Variants in GIT2 observed in about 807,000 individuals in gnomAD.
GIT2 encodes GIT ArfGAP 2, also known as ARF GTPase-activating protein GIT2.
Under a neutral mutation model 100.3 loss-of-function variants are expected in GIT2, and 32 were observed. That is an observed-to-expected ratio of 0.32 (90% CI 0.24 to 0.43). GIT2 has a LOEUF of 0.43. Among genes scored for constraint, GIT2 ranks in the 20% least tolerant of loss-of-function variants. The pLI is 1.00. For missense variants in GIT2, 737 were observed against 975.1 expected (o/e 0.76, Z 3.25); for synonymous variants, 353 against 364.1 (o/e 0.97, Z 0.35).
Position 109,947,026 on chromosome 12 carries a change from G to A in GIT2, c.1641+230C>T, listed in dbSNP as rs1456274464. Among the ~76,000 whole-genome samples the A allele has an allele frequency of 1.3e-5, 2 of 152,182 alleles. No homozygotes were observed. The highest frequency in any genetic ancestry group is 4.8e-5 in the African/African-American group (2 of 41,444). On this transcript the variant is annotated intron_variant, in intron 15 of 19. Coordinates refer to ENST00000355312, the MANE Select transcript of GIT2 (RefSeq NM_057169.5). The surrounding 1 kb of genome is among the most constrained non-coding windows in gnomAD (Gnocchi z 4.3). Reference sequence around the variant, plus strand: ...GTGGGGGAGAAAAAAGCAGCAGTTCGGGCAAGAGCCAGAATCCCCAACTTG... The same window carrying A: ...GTGGGGGAGAAAAAAGCAGCAGTTCAGGCAAGAGCCAGAATCCCCAACTTG...
chr12:109,975,498 G>A (rs1362895720), intron 7 of GIT2, among the ~76,000 whole-genome samples: 1 of 152,098 alleles, frequency 6.6e-6, no homozygotes, highest in Non-Finnish European at 1.5e-5. Context: ...ACAGGTGTGA[G>A]CCATAGCTCC....
intron 12 of GIT2, among the ~76,000 whole-genome samples, chr12:109,957,029 A>AT (rs1351782446): frequency 6.6e-6 from 1 of 151,380 alleles, no homozygotes; most frequent in Non-Finnish European, 1.5e-5. Context: ...AAAAAAAAAA[A>AT]CAAAACAAAA....
At chr12:109,982,214 C>T (rs1253632537) in intron 6 of GIT2, 1 of 152,348 alleles carries the variant, frequency 6.6e-6, no homozygotes, top group Non-Finnish European at 1.5e-5. Flanking sequence ...CCTGCCTTTC[C>T]TCTTACCTGG....
chr12:109,940,814 G>T (rs971285929), intron 16 of GIT2, among the ~76,000 whole-genome samples: 6 of 151,912 alleles, frequency 3.9e-5, no homozygotes, highest in Non-Finnish European at 2.9e-5. Flanking sequence ...AGGAGGCGGA[G>T]GTTGCAGTGA....
chr12:109,965,625 G>C (rs759551948), intron 8 of GIT2, 48 bp from the exon 9 acceptor site: 6 of 1,175,896 alleles, frequency 5.1e-6, no homozygotes, highest in African/African-American at 1.5e-5. Flanking sequence ...AGCCAGACTT[G>C]TGAACTCTGT....
intron 18 of GIT2, among the ~76,000 whole-genome samples, chr12:109,936,918 C>T (rs1350472712): frequency 2.0e-5 from 3 of 151,414 alleles, no homozygotes; most frequent in Non-Finnish European, 4.4e-5. Flanking sequence ...GGACACTTTG[C>T]TTTCTGTAAT....
At chr12:109,973,067 A>G (rs1489849127) in intron 7 of GIT2, among the ~76,000 whole-genome samples, 1 of 151,882 alleles carries the variant, frequency 6.6e-6, no homozygotes, top group Non-Finnish European at 1.5e-5. Context: ...GCCTCAAACA[A>G]TCCTCCTACT....
chr12:109,961,470 T>C lies in GIT2; in HGVS notation c.890-95A>G, dbSNP rs565944203. The C allele has an allele frequency of 7.2e-5, 69 of 959,698 alleles. No homozygotes were observed. In the South Asian group the frequency reaches 8.8e-4, roughly 12 times the overall value. 59.4% of individuals were successfully genotyped at this position (959,698 alleles called of 1,614,324 possible). ...TCACGCACTACGAGGGGAAACACAC[T>C]CTGAAGCCAACACACGCAAAGGCAA... On this transcript the variant is annotated intron_variant, in intron 10 of 19. Transcript: ENST00000355312.
chr12:109,941,011 G>A (rs760275409), intron 16 of GIT2, among the ~76,000 whole-genome samples: 11 of 151,176 alleles, frequency 7.3e-5, no homozygotes, highest in Non-Finnish European at 1.0e-4. Context: ...CCGGACCCAC[G>A]TGGAGAAGCC....
intron 3 of GIT2, among the ~76,000 whole-genome samples, 163 bp downstream of exon 3, chr12:109,989,527 C>A (rs1888004145): frequency 6.6e-6 from 1 of 152,140 alleles, no homozygotes; most frequent in South Asian, 2.1e-4. Flanking sequence ...GATGGTCCTG[C>A]CCCACCCCAT....
chr12:109,939,136 C>A, intron 17 of GIT2, 29 bp downstream of exon 17: 1 of 1,455,628 alleles, frequency 6.9e-7, no homozygotes, highest in Non-Finnish European at 9.7e-7. Flanking sequence ...GGGAGCCCCT[C>A]CCCTGGCACG....
chr12:109,943,461 A>G (rs1183630067), intron 16 of GIT2, among the ~76,000 whole-genome samples: 1 of 151,862 alleles, frequency 6.6e-6, no homozygotes, highest in African/African-American at 2.4e-5. Flanking sequence ...CAGCCTTCCA[A>G]GTATCTGGGA....
intron 16 of GIT2, among the ~76,000 whole-genome samples, chr12:109,942,123 C>A (rs922717056): frequency 6.6e-6 from 1 of 152,120 alleles, no homozygotes; most frequent in South Asian, 2.1e-4. Context: ...CCACACCTGG[C>A]CCCAACTAAC....
chr12:109,937,109 C>A (rs1873256994), intron 18 of GIT2, among the ~76,000 whole-genome samples: 2 of 152,126 alleles, frequency 1.3e-5, no homozygotes, highest in South Asian at 4.1e-4. Flanking sequence ...TTCTCTTTTT[C>A]TCTGAGGAGC....
chr12:109,952,484 G>A, intron 13 of GIT2: 1 of 518,852 alleles, frequency 1.9e-6, no homozygotes, highest in Non-Finnish European at 3.8e-6. Context: ...TGCCTGTGAG[G>A]CCCACTCTCT....
chr12:109,974,736 C>G (rs1313883177), intron 7 of GIT2, among the ~76,000 whole-genome samples: 1 of 152,106 alleles, frequency 6.6e-6, no homozygotes, highest in East Asian at 1.9e-4. Context: ...AATGTGTATT[C>G]TAATGTTGTC....
intron 1 of GIT2, among the ~76,000 whole-genome samples, chr12:109,995,698 G>A (rs936268997): frequency 9.2e-5 from 14 of 152,234 alleles, no homozygotes; most frequent in Non-Finnish European, 2.1e-4. Context: ...TCGGATGTCA[G>A]CAGCGGGGAA....
intron 12 of GIT2, among the ~76,000 whole-genome samples, chr12:109,956,996 C>A (rs535187704): frequency 6.7e-6 from 1 of 149,812 alleles, no homozygotes; most frequent in Admixed American, 6.7e-5. Context: ...CCAGCCTGGG[C>A]GACAGAGTGA....
chr12:109,980,854 T>C (rs1886178743), intron 7 of GIT2, 98 bp downstream of exon 7: 1 of 765,614 alleles, frequency 1.3e-6, no homozygotes, highest in South Asian at 1.4e-5. Flanking sequence ...CTCAGTGATA[T>C]GTTACAGCAG....
Sources: gnomAD v4.1 joint callset for allele counts (sites outside exome capture counted in the v4.1 genomes callset) on GRCh38, gnomAD v4.1.1 for gene constraint, Gnocchi (gnomAD v3.1) non-coding constraint, MANE v1.5 for transcripts, NCBI Gene and HGNC (gene_info 2026-07-23, HGNC 2026-07-21) for gene names.